Variants in MCAT observed in about 807,000 individuals in gnomAD.
MCAT encodes malonyl-CoA-acyl carrier protein transacylase, mitochondrial.
A neutral mutation model predicts 22.9 loss-of-function variants in MCAT; 22 were observed. The observed-to-expected ratio is 0.96, with a 90% confidence interval of 0.69 to 1.37. The LOEUF (loss-of-function observed/expected upper bound fraction) is 1.37. Among genes scored for constraint, MCAT ranks in the 40% most tolerant of loss-of-function variants. The pLI is 0.00. For synonymous variants in MCAT, 240 were observed against 233.9 expected (o/e 1.03, Z -0.24); for missense variants, 534 against 533.6 (o/e 1.00, Z -0.01).
At chr22:43,135,713 C>G (rs997194175) in intron 3 of MCAT, among the ~76,000 whole-genome samples, 1 of 152,102 alleles carries the variant, frequency 6.6e-6, no homozygotes, top group Non-Finnish European at 1.5e-5. Context: ...ACCTGACCTG[C>G]CCACCATCTC....
intron 3 of MCAT, among the ~76,000 whole-genome samples, chr22:43,135,217 G>A (rs1930569106): frequency 6.6e-6 from 1 of 152,214 alleles, no homozygotes. Context: ...GAATACCAAA[G>A]GGAAGCTGGG....
Position 43,142,970 on chromosome 22 carries a change from C to A in MCAT, c.379G>T (p.Ala127Ser). 1 of 1,595,940 alleles carries A rather than the reference C, an allele frequency of 6.3e-7. No homozygotes were observed. Among genetic ancestry groups the A allele is most frequent in the East Asian group, 2.3e-5 (1 of 43,498 alleles). ...TVHCQPAIFV[A>S]SLAAVEKLHH... ...AGTTTCTCGACAGCGGCCAGCGATGCCACGAAGATCGCGGGCTGACAGTGC... is the reference window on the plus strand; with the variant it reads ...AGTTTCTCGACAGCGGCCAGCGATGACACGAAGATCGCGGGCTGACAGTGC... The change falls in exon 1 of 4, where the codon GCA becomes TCA. Residue 127 changes from alanine to serine, a missense_variant. Physicochemically the swap from Ala to Ser is moderately conservative, Grantham distance 99 (BLOSUM62 1). Transcript: ENST00000290429.
intron 3 of MCAT, among the ~76,000 whole-genome samples, chr22:43,134,741 C>T (rs1214937445): frequency 2.0e-5 from 3 of 152,206 alleles, no homozygotes; most frequent in Non-Finnish European, 4.4e-5. Context: ...TGCAACAAAA[C>T]CTGGCCTGTA....
At chr22:43,142,527 C>T (rs1379974997) in intron 1 of MCAT, among the ~76,000 whole-genome samples, 1 of 151,990 alleles carries the variant, frequency 6.6e-6, no homozygotes, top group Admixed American at 6.6e-5. Context: ...TGGCTCATGC[C>T]TGTAATCCCA....
At chr22:43,139,447 G>A (rs925249031) in intron 2 of MCAT, among the ~76,000 whole-genome samples, 10 of 152,140 alleles carry the variant, frequency 6.6e-5, no homozygotes, top group African/African-American at 2.4e-4. Context: ...GATCACTTGA[G>A]GCCAAGAGGC....
Position 43,137,186 on chromosome 22 carries a change from A to G in MCAT, c.624T>C (p.Cys208=). The change falls in exon 3 of 4, where the codon TGT becomes TGC. Residue 208 remains cysteine, a synonymous_variant. Coordinates refer to ENST00000290429, the MANE Select transcript of MCAT (RefSeq NM_173467.5). ...GQPQSKFNFA[C]LEAREHCKSL... The stretch of plus-strand genomic sequence containing the variant: ...ACTTGCAGTGTTCCCGGGCTTCCAA[A>G]CAGGCGAAGTTGAACTTGGACTGAG... 1 of 1,614,186 alleles carries G rather than the reference A, an allele frequency of 6.2e-7. No homozygotes were observed. Among genetic ancestry groups the G allele is most frequent in the Non-Finnish European group, 8.5e-7 (1 of 1,180,024 alleles).
chr22:43,134,475 G>A (rs1930547486), intron 3 of MCAT, among the ~76,000 whole-genome samples: 1 of 152,170 alleles, frequency 6.6e-6, no homozygotes, highest in Non-Finnish European at 1.5e-5. Context: ...AGCCTCCCGA[G>A]TAGCTGGGAC....
chr22:43,143,284 G>A lies in MCAT; in HGVS notation c.65C>T (p.Ala22Val), dbSNP rs1309116100. Residue 22 changes from alanine (A) to valine (V), a missense_variant, in exon 1 of 4, where the codon GCC becomes GTC. Ala to Val is a moderately conservative substitution (Grantham distance 64). Coordinates refer to ENST00000290429, the MANE Select transcript of MCAT (RefSeq NM_173467.5). ...CGGCGGAGGCACCGGGAAGCTCGAG[G>A]CGCCGCGGCGGTAGCTGGCGCCCAA... Reference protein sequence around the residue: ...RGLGASYRRGASSFPVPPPGA... With the variant: ...RGLGASYRRGVSSFPVPPPGA... 7.0e-7 allele frequency: 1 copy of A among 1,431,806 alleles called. No homozygotes were observed. The highest frequency in any genetic ancestry group is 1.4e-5 in the South Asian group (1 of 69,122). 88.7% of individuals were successfully genotyped at this position (1,431,806 alleles called of 1,614,324 possible).
chr22:43,137,237 A>C lies in MCAT; in HGVS notation c.573T>G (p.Ser191Arg). The part of the protein sequence containing the change: ...AMQEASEAVP[S>R]GMLSVLGQPQ... ...GCTGGCCGAGGACAGACAGCATCCC[A>C]CTGGGGACAGCTTCTGAAGCTTCCT... is the stretch of plus-strand genomic sequence containing the variant. The change falls in exon 3 of 4, where the codon AGT becomes AGG. Residue 191 changes from serine (S) to arginine (R), a missense_variant. Ser to Arg is a moderately radical substitution (Grantham distance 110, BLOSUM62 -1). Transcript: ENST00000290429. 1 of 1,614,152 alleles carries C rather than the reference A, an allele frequency of 6.2e-7. No homozygotes were observed. The highest frequency in any genetic ancestry group is 8.5e-7 in the Non-Finnish European group (1 of 1,180,026).
Position 43,143,070 on chromosome 22 carries a change from G to A in MCAT, c.279C>T (p.Ala93=). The stretch of plus-strand genomic sequence containing the variant: ...GGTCGTAGCCCAGCACGCGGCGGGC[G>A]GCGGCGTAGAGTTCGCGGACGCGCG... ...NYPRVRELYA[A]ARRVLGYDLL... The change falls in exon 1 of 4, where the codon GCC becomes GCT. Residue 93 remains alanine, a synonymous_variant. Transcript: ENST00000290429. 6.2e-7 allele frequency: 1 copy of A among 1,609,132 alleles called. No homozygotes were observed. Among genetic ancestry groups the A allele is most frequent in the Non-Finnish European group, 8.5e-7 (1 of 1,179,216 alleles).
chr22:43,142,782 A>AAG, intron 1 of MCAT, 144 bp downstream of exon 1: 1 of 945,222 alleles, frequency 1.1e-6, no homozygotes. Flanking sequence ...CTCAAAAAAA[A>AAG]AAACAAAAAC....
chr22:43,143,318 C>A lies in MCAT; in HGVS notation c.31G>T (p.Val11Phe). MSVRVARVAW[V>F]RGLGASYRRG... ...CGGTAGCTGGCGCCCAAGCCCCTGACCCACGCTACCCGTGCGACCCGGACG... is the reference window on the plus strand; with the variant it reads ...CGGTAGCTGGCGCCCAAGCCCCTGAACCACGCTACCCGTGCGACCCGGACG... The change falls in exon 1 of 4, where the codon GTC (valine) becomes TTC (phenylalanine). Residue 11 changes from valine to phenylalanine, a missense_variant. Val to Phe is a conservative substitution (Grantham distance 50, BLOSUM62 -1). Transcript: ENST00000290429. 7.1e-7 allele frequency: 1 copy of A among 1,403,566 alleles called. No homozygotes were observed. Among genetic ancestry groups the A allele is most frequent in the Middle Eastern group, 2.6e-4 (1 of 3,828 alleles). 86.9% of individuals were successfully genotyped at this position (1,403,566 alleles called of 1,614,324 possible). A position where few individuals can be genotyped will look rare whatever the true frequency, so the allele number is the denominator to read the frequency against.
chr22:43,135,846 G>C (rs2147033350), intron 3 of MCAT, among the ~76,000 whole-genome samples: 1 of 152,346 alleles, frequency 6.6e-6, no homozygotes, highest in East Asian at 1.9e-4. Flanking sequence ...GGCGGAAACA[G>C]ACTCCAGAGT....
chr22:43,141,360 A>G (rs1601745148), intron 1 of MCAT, 111 bp from the exon 2 acceptor site: 2 of 851,644 alleles, frequency 2.3e-6, no homozygotes, highest in Non-Finnish European at 2.0e-6. Flanking sequence ...GCCAGGTTCT[A>G]CGAACTTGGT....
At position 43,133,400 on chromosome 22, in the gene MCAT, G is replaced by T; in HGVS notation, c.816C>A (p.Arg272=). 1 of 1,614,072 alleles carries T rather than the reference G, an allele frequency of 6.2e-7. No individual in the cohort carries two copies. The highest frequency in any genetic ancestry group is 8.5e-7 in the Non-Finnish European group (1 of 1,179,926). The part of the protein sequence containing the change: ...MLPVSGAFHT[R]LMEPAVEPLT... Reference sequence around the variant, plus strand: ...GGGGCTCCACGGCTGGCTCCATGAGGCGGGTGTGGAATGCGCCACTAACCG... The same window carrying T: ...GGGGCTCCACGGCTGGCTCCATGAGTCGGGTGTGGAATGCGCCACTAACCG... Residue 272 remains arginine, a synonymous_variant, in exon 4 of 4, where the codon CGC becomes CGA. Transcript: ENST00000290429.
In MCAT at chr22:43,133,012, GA is replaced by G. The variant is rs565103223; in HGVS notation, c.*30del. 504 of 1,597,120 alleles carry G rather than the reference GA, an allele frequency of 3.2e-4. 7 individuals carry two copies. The South Asian group carries it at 5.4e-3, about 17-fold the overall frequency. On this transcript the variant is annotated 3_prime_UTR_variant, in exon 4 of 4. Transcript: ENST00000290429. ...CCTACAGCCTCTCCTCAGGAGGACA[GA>G]GGGGGTCATCGCATTTGAGCCCCCT...
At chr22:43,134,829 G>A (rs551448333) in intron 3 of MCAT, among the ~76,000 whole-genome samples, 4 of 152,342 alleles carry the variant, frequency 2.6e-5, no homozygotes, top group Admixed American at 6.5e-5. Flanking sequence ...CAGGAACCAG[G>A]AGCCTCTTTG....
intron 2 of MCAT, 124 bp downstream of exon 2, chr22:43,141,038 T>G: frequency 1.4e-6 from 1 of 725,094 alleles, no homozygotes; most frequent in Non-Finnish European, 2.5e-6. Flanking sequence ...TGTGCCAATG[T>G]CACCCCTGTC....
rs149836569 is a variant in MCAT at position 43,135,717 on chromosome 22, C to G, written c.729+1364G>C. On this transcript the variant is annotated intron_variant, in intron 3 of 3. Coordinates refer to ENST00000290429, the MANE Select transcript of MCAT (RefSeq NM_173467.5). ...GGGGCCACCATACCTGACCTGCCCA[C>G]CATCTCAGAACAGTCATAAGAGGCT... Among the ~76,000 whole-genome samples, 156 of 152,186 alleles carry G rather than the reference C, an allele frequency of 1.0e-3. 4 individuals are homozygous for G. In the East Asian group the frequency reaches 0.023, roughly 22 times the overall value.
Sources: gnomAD v4.1 joint callset for allele counts (sites outside exome capture counted in the v4.1 genomes callset) on GRCh38, gnomAD v4.1.1 for gene constraint, MANE v1.5 for transcripts, NCBI Gene and HGNC (gene_info 2026-07-23, HGNC 2026-07-21) for gene names.